GRIK1: variants seen among roughly 807,000 people sequenced by gnomAD.
The protein encoded by GRIK1 is glutamate ionotropic receptor kainate type subunit 1.
In GRIK1, 69 loss-of-function variants were observed where a neutral mutation model predicts 105.7. The ratio of observed to expected loss-of-function variants is 0.65; its 90% CI spans 0.54 to 0.80. The LOEUF (loss-of-function observed/expected upper bound fraction) is 0.80. Ranked by LOEUF, GRIK1 falls within the 30% of genes least tolerant of loss-of-function variation. The pLI is 0.00. For synonymous variants in GRIK1, 438 were observed against 431.3 expected (o/e 1.02, Z -0.19); for missense variants, 1,109 against 1,167.3 (o/e 0.95, Z 0.73).
At chr21:29,553,604 A>G in intron 16 of GRIK1, 1 of 1,608,672 alleles carries the variant, frequency 6.2e-7, no homozygotes, top group Non-Finnish European at 8.5e-7. Context: ...CTCCTCTCGA[A>G]TTAATTTACC....
intron 1 of GRIK1, among the ~76,000 whole-genome samples, chr21:29,756,716 A>C (rs2065352324): frequency 6.6e-6 from 1 of 152,184 alleles, no homozygotes; most frequent in Non-Finnish European, 1.5e-5. Context: ...AACAAAAAAA[A>C]CTAGAAATGA....
At chr21:29,688,303 G>A (rs2146707565) in intron 3 of GRIK1, among the ~76,000 whole-genome samples, 1 of 152,254 alleles carries the variant, frequency 6.6e-6, no homozygotes, top group East Asian at 1.9e-4. Context: ...ACTTTTATCT[G>A]ACTATATAAA....
intron 12 of GRIK1, among the ~76,000 whole-genome samples, chr21:29,586,447 T>G (rs750035762): frequency 1.3e-5 from 2 of 152,282 alleles, no homozygotes; most frequent in Admixed American, 6.5e-5. Context: ...AGAGCTAGCA[T>G]GAAGAAATAT....
intron 1 of GRIK1, among the ~76,000 whole-genome samples, chr21:29,922,282 T>G (rs145681254): frequency 0.01 from 1,584 of 152,270 alleles, 29 homozygotes; most frequent in African/African-American, 0.036. Flanking sequence ...AATATCTGAA[T>G]TTTTAAGTAA....
intron 1 of GRIK1, among the ~76,000 whole-genome samples, chr21:29,707,641 GTT>G: frequency 6.6e-6 from 1 of 151,806 alleles, no homozygotes; most frequent in East Asian, 1.9e-4. Context: ...GCCTACAGGC[GTT>G]CGCCACCACA....
At chr21:29,924,750 G>A (rs2071303024) in intron 1 of GRIK1, among the ~76,000 whole-genome samples, 1 of 151,996 alleles carries the variant, frequency 6.6e-6, no homozygotes, top group South Asian at 2.1e-4. Context: ...CTGCTTCCAG[G>A]CGTCTCATCC....
In GRIK1 at chr21:29,915,564, T is replaced by C. The variant is rs1262400541; in HGVS notation, c.118+23819A>G. On this transcript the variant is annotated intron_variant, in intron 1 of 17. Transcript: ENST00000327783. ...CAATTTCTCTGGATTTCAGGATGGC[T>C]GGTTTGGTGTGTGAGTACTGCTGTC... is the stretch of plus-strand genomic sequence containing the variant. Among the ~76,000 whole-genome samples, 6 of 152,158 alleles carry C rather than the reference T, an allele frequency of 3.9e-5. No individual in the cohort carries two copies. The East Asian group carries it at 1.2e-3, about 29-fold the overall frequency.
Position 29,939,545 on chromosome 21 carries a change from C to T in GRIK1, c.-45G>A, listed in dbSNP as rs1227998698. The T allele has an allele frequency of 3.1e-6, 4 of 1,291,046 alleles. No homozygotes were observed. The highest frequency in any genetic ancestry group is 4.3e-6 in the Non-Finnish European group (4 of 930,176). The allele number at this position is 1,291,046 out of a possible 1,614,324, so 80.0% of individuals were successfully genotyped here. On this transcript the variant is annotated 5_prime_UTR_variant, in exon 1 of 18. Transcript: ENST00000327783. ...ATGCCGAGATACAGCCGCTGCCGGA[C>T]GCCCGAGAGATGCACCCAACTTGGG...
chr21:29,797,775 T>C (rs2066597922), intron 1 of GRIK1, among the ~76,000 whole-genome samples: 1 of 152,236 alleles, frequency 6.6e-6, no homozygotes. Context: ...GTCATTTTTC[T>C]TTAACAATGT....
chr21:29,658,725 A>G (rs1195098106), intron 4 of GRIK1, among the ~76,000 whole-genome samples: 1 of 152,186 alleles, frequency 6.6e-6, no homozygotes, highest in Non-Finnish European at 1.5e-5. Context: ...ACTAGTGTGG[A>G]CGTCATTAGT....
intron 1 of GRIK1, among the ~76,000 whole-genome samples, chr21:29,695,468 CT>C (rs1257577701): frequency 4.1e-5 from 6 of 144,640 alleles, no homozygotes; most frequent in Admixed American, 2.1e-4. Context: ...ATCTATCTAT[CT>C]ATCTATCTAT....
At chr21:29,632,021 G>C (rs2062286513) in intron 7 of GRIK1, among the ~76,000 whole-genome samples, 1 of 151,986 alleles carries the variant, frequency 6.6e-6, no homozygotes, top group Admixed American at 6.6e-5. Flanking sequence ...CCATGCAGAA[G>C]GGATTGGACA....
At position 29,856,583 on chromosome 21, in the gene GRIK1, C is replaced by T. The variant is rs150171237; in HGVS notation, c.118+82800G>A. ...TTCTGAAATATTTGCTTAGCCCCACCTAAGTACCAGACACTGTCTAAGCAC... is the reference window on the plus strand; with the variant it reads ...TTCTGAAATATTTGCTTAGCCCCACTTAAGTACCAGACACTGTCTAAGCAC... On this transcript the variant is annotated intron_variant, in intron 1 of 17. Transcript: ENST00000327783. Among the ~76,000 whole-genome samples the T allele has an allele frequency of 6.6e-5, 10 of 152,240 alleles. No individual in the cohort carries two copies. The East Asian group carries it at 1.9e-3, about 29-fold the overall frequency.
chr21:29,935,365 C>A (rs1215892040), intron 1 of GRIK1, among the ~76,000 whole-genome samples: 3 of 152,142 alleles, frequency 2.0e-5, no homozygotes, highest in East Asian at 1.9e-4. Flanking sequence ...TGTTGTACAT[C>A]CTGCAATTTT....
In GRIK1 at chr21:29,537,438, C is replaced by T. The variant is rs1571681; in HGVS notation, c.2695-53G>A. 8.4e-4 allele frequency: 1,189 copies of T among 1,408,754 alleles called. 7 individuals are homozygous for T. The African/African-American group carries it at 0.014, about 16-fold the overall frequency. 87.3% of individuals were successfully genotyped at this position (1,408,754 alleles called of 1,614,324 possible). ...GCTTAATTAAGCCTATCGCATGTGC[C>T]GTTGACCTGCCTCTTGCCTAGGTAT... is the stretch of plus-strand genomic sequence containing the variant. On this transcript the variant is annotated intron_variant, in intron 17 of 17. Transcript: ENST00000327783.
intron 16 of GRIK1, 145 bp from the exon 17 acceptor site, chr21:29,538,029 T>C (rs937737008): frequency 6.6e-6 from 4 of 607,982 alleles, no homozygotes; most frequent in Non-Finnish European, 8.8e-6. Flanking sequence ...GATGGCATAA[T>C]ACAAAAGAAA....
At chr21:29,725,040 C>T (rs2064420735) in intron 1 of GRIK1, among the ~76,000 whole-genome samples, 1 of 151,372 alleles carries the variant, frequency 6.6e-6, no homozygotes, top group African/African-American at 2.4e-5. Context: ...ACTCTACTGC[C>T]ACATGGGATG....
rs192658262 is a variant in GRIK1 at position 29,725,146 on chromosome 21, C to T, written c.119-31083G>A. Reference sequence around the variant, plus strand: ...TTCTCATTGAATGCTCAACTGCAAGCGATTGCGAACAAGGTCACCATCTTC... The same window carrying T: ...TTCTCATTGAATGCTCAACTGCAAGTGATTGCGAACAAGGTCACCATCTTC... On this transcript the variant is annotated intron_variant, in intron 1 of 17. Coordinates refer to ENST00000327783, the MANE Select transcript of GRIK1 (RefSeq NM_001330994.2). Among the ~76,000 whole-genome samples, 910 of 152,244 alleles carry T rather than the reference C, an allele frequency of 6.0e-3. 5 individuals carry two copies. The highest frequency in any genetic ancestry group is 8.3e-3 in the Non-Finnish European group (563 of 68,016).
At position 29,717,155 on chromosome 21, in the gene GRIK1, A is replaced by G. The variant is rs1023688947; in HGVS notation, c.119-23092T>C. Among the ~76,000 whole-genome samples the G allele has an allele frequency of 3.9e-5, 6 of 152,204 alleles. No homozygotes were observed. The East Asian group carries it at 1.2e-3, about 29-fold the overall frequency. ...GGAACCTTCACCTAGATTTCAGAGG[A>G]TGTATGAAAATGTCTGGATATCCAG... On this transcript the variant is annotated intron_variant, in intron 1 of 17. Transcript: ENST00000327783.
Sources: gnomAD v4.1 joint callset for allele counts (sites outside exome capture counted in the v4.1 genomes callset) on GRCh38, gnomAD v4.1.1 for gene constraint, MANE v1.5 for transcripts, NCBI Gene and HGNC (gene_info 2026-07-23, HGNC 2026-07-21) for gene names.